MTUS2: variants seen among roughly 807,000 people sequenced by gnomAD.
The protein encoded by MTUS2 is microtubule associated scaffold protein 2.
Under a neutral mutation model 114.1 loss-of-function variants are expected in MTUS2, and 40 were observed. The observed-to-expected ratio is 0.35, with a 90% confidence interval of 0.27 to 0.46. The LOEUF (loss-of-function observed/expected upper bound fraction) is 0.46, where lower values mean the gene tolerates loss of function less well. MTUS2 is among the 20% of genes least tolerant of loss of function. MTUS2 has a pLI of 1.00. For missense variants in MTUS2, 1,679 were observed against 1,705.4 expected, an observed-to-expected ratio of 0.98 and a Z score of 0.27; for synonymous variants, 688 against 672.0, an observed-to-expected ratio of 1.02 and a Z score of -0.37.
intron 2 of MTUS2, among the ~76,000 whole-genome samples, chr13:28,933,637 A>G (rs1397984011): frequency 1.3e-5 from 2 of 152,218 alleles, no homozygotes; most frequent in Non-Finnish European, 2.9e-5. Flanking sequence ...ATGACATGAT[A>G]TAGACTTTGC....
rs139188671 is a variant in MTUS2 at position 29,350,766 on chromosome 13, G to A, written c.2906-8496G>A. On this transcript the variant is annotated intron_variant, in intron 7 of 15. Transcript: ENST00000612955. ...CTGGCTGATTTGGATTCTGGTGAGG[G>A]CCCTCTTCCTTGTTTGCAGATGGAT... 5.3e-5 allele frequency among the ~76,000 whole-genome samples: 8 copies of A among 151,764 alleles called. No individual in the cohort carries two copies. In the East Asian group the frequency reaches 1.4e-3, roughly 26 times the overall value.
At chr13:29,348,607 C>G (rs566927791) in intron 7 of MTUS2, among the ~76,000 whole-genome samples, 2 of 152,304 alleles carry the variant, frequency 1.3e-5, no homozygotes, top group Admixed American at 1.3e-4. Flanking sequence ...ATTCTATACC[C>G]TTACTGATTT....
At chr13:28,822,348 A>G (rs940503873) in intron 1 of MTUS2, among the ~76,000 whole-genome samples, 6 of 152,238 alleles carry the variant, frequency 3.9e-5, no homozygotes, top group African/African-American at 9.6e-5. Context: ...GCCAAAATCC[A>G]GGAGGATGCC....
chr13:28,861,806 C>T (rs1436002252), intron 2 of MTUS2, among the ~76,000 whole-genome samples: 4 of 152,020 alleles, frequency 2.6e-5, no homozygotes, highest in South Asian at 4.2e-4. Flanking sequence ...GCTCTGGAGG[C>T]GTGAGTGGAG....
At position 29,340,647 on chromosome 13, in the gene MTUS2, T is replaced by C. The variant is rs146782830; in HGVS notation, c.2905+15936T>C. On this transcript the variant is annotated intron_variant, in intron 7 of 15. Transcript: ENST00000612955. ...AATGTCATCTCTCTTTTTTTGCTTTTATTTTTTAAAATTATTTCAGTAGTT... is the reference window on the plus strand; with the variant it reads ...AATGTCATCTCTCTTTTTTTGCTTTCATTTTTTAAAATTATTTCAGTAGTT... Among the ~76,000 whole-genome samples the C allele has an allele frequency of 1.5e-3, 226 of 152,350 alleles. 1 individual carries two copies. The highest frequency in any genetic ancestry group is 6.8e-3 in the Middle Eastern group (2 of 294).
intron 6 of MTUS2, among the ~76,000 whole-genome samples, chr13:29,284,157 G>A (rs1241562986): frequency 6.6e-6 from 1 of 152,130 alleles, no homozygotes; most frequent in Admixed American, 6.6e-5. Context: ...CAACTCAAAT[G>A]TCCATTAATA....
rs1217225423 is a variant in MTUS2 at position 29,311,451 on chromosome 13, AAT to A, written c.2807-13159_2807-13158del. On this transcript the variant is annotated intron_variant, in intron 6 of 15. Transcript: ENST00000612955. ...TATATTATAGTAGTTGATTAAGAAA[AAT>A]ATGTGAATGAATATGTATAATTTGG... Among the ~76,000 whole-genome samples, 3 of 152,228 alleles carry A rather than the reference AAT, an allele frequency of 2.0e-5. No individual in the cohort carries two copies. The East Asian group carries it at 5.8e-4, about 29-fold the overall frequency.
chr13:29,197,887 G>A (rs1179160377), intron 5 of MTUS2, among the ~76,000 whole-genome samples: 2 of 152,070 alleles, frequency 1.3e-5, no homozygotes, highest in African/African-American at 4.8e-5. Context: ...CATATCCTTT[G>A]CCCATTTTTG....
At chr13:29,039,176 C>T (rs944029158) in intron 4 of MTUS2, among the ~76,000 whole-genome samples, 7 of 152,292 alleles carry the variant, frequency 4.6e-5, no homozygotes, top group South Asian at 2.1e-4. Context: ...GGGCCTGGAC[C>T]GCATATCCTG....
intron 2 of MTUS2, among the ~76,000 whole-genome samples, chr13:28,998,945 C>T (rs1345748695): frequency 6.6e-6 from 1 of 152,148 alleles, no homozygotes; most frequent in African/African-American, 2.4e-5. Context: ...AGCTGCGTTC[C>T]TTTGGAGGAG....
At chr13:29,216,982 A>G (rs1303099490) in intron 5 of MTUS2, among the ~76,000 whole-genome samples, 1 of 152,198 alleles carries the variant, frequency 6.6e-6, no homozygotes, top group Non-Finnish European at 1.5e-5. Context: ...GCTATTTTAA[A>G]CAGAAGTACT....
intron 8 of MTUS2, among the ~76,000 whole-genome samples, chr13:29,439,782 G>T (rs189978183): frequency 3.4e-4 from 52 of 152,308 alleles, no homozygotes; most frequent in Non-Finnish European, 5.0e-4. Flanking sequence ...TATGATGCAA[G>T]CTTTGCCATT....
rs1422834754 is a variant in MTUS2 at position 28,887,589 on chromosome 13, G to T, written c.-243+47739G>T. ...TAAGGGCTTTGAAGCTGAGGAAGAG[G>T]CTTGTAAGCTGAGCTCTGGACTTCA... is the stretch of plus-strand genomic sequence containing the variant. On this transcript the variant is annotated intron_variant, in intron 2 of 15. Transcript: ENST00000612955. Among the ~76,000 whole-genome samples, 3 of 152,310 alleles carry T rather than the reference G, an allele frequency of 2.0e-5. No homozygotes were observed. In the East Asian group the frequency reaches 5.8e-4, roughly 29 times the overall value.
At chr13:29,227,171 A>G (rs1896140181) in intron 5 of MTUS2, among the ~76,000 whole-genome samples, 1 of 151,030 alleles carries the variant, frequency 6.6e-6, no homozygotes, top group Admixed American at 6.6e-5. Flanking sequence ...GGGTAGGAGA[A>G]TCACTTGAAC....
intron 7 of MTUS2, among the ~76,000 whole-genome samples, chr13:29,330,076 C>T (rs1349425960): frequency 2.0e-5 from 3 of 152,140 alleles, no homozygotes; most frequent in African/African-American, 7.2e-5. Flanking sequence ...AGTATAAAAG[C>T]GTTCCTATTT....
At chr13:28,993,913 T>C (rs1884971012) in intron 2 of MTUS2, among the ~76,000 whole-genome samples, 1 of 152,168 alleles carries the variant, frequency 6.6e-6, no homozygotes, top group Non-Finnish European at 1.5e-5. Flanking sequence ...TTATTTTTTA[T>C]TATTATACTT....
intron 7 of MTUS2, among the ~76,000 whole-genome samples, chr13:29,349,444 AG>A (rs1174610010): frequency 6.6e-6 from 1 of 152,172 alleles, no homozygotes; most frequent in African/African-American, 2.4e-5. Flanking sequence ...TTAAATAAGA[AG>A]AAGTCTGAGT....
At chr13:29,300,922 G>A (rs1228081731) in intron 6 of MTUS2, among the ~76,000 whole-genome samples, 3 of 152,158 alleles carry the variant, frequency 2.0e-5, no homozygotes, top group Non-Finnish European at 2.9e-5. Flanking sequence ...CTGGAGGCTG[G>A]AACATCCAAG....
intron 5 of MTUS2, among the ~76,000 whole-genome samples, chr13:29,241,931 G>A (rs1896749288): frequency 6.6e-6 from 1 of 152,082 alleles, no homozygotes; most frequent in African/African-American, 2.4e-5. Context: ...TGTATGTGCT[G>A]CCTTGCCTGC....
Sources: gnomAD v4.1 joint callset for allele counts (sites outside exome capture counted in the v4.1 genomes callset) on GRCh38, gnomAD v4.1.1 for gene constraint, MANE v1.5 for transcripts, NCBI Gene and HGNC (gene_info 2026-07-23, HGNC 2026-07-21) for gene names.